Variants in LDLRAD4 observed in about 807,000 individuals in gnomAD.
LDLRAD4 encodes low-density lipoprotein receptor class A domain-containing protein 4.
In LDLRAD4, 5 loss-of-function variants were observed where a neutral mutation model predicts 17.0. That is an observed-to-expected ratio of 0.29 (90% CI 0.15 to 0.62). The LOEUF is 0.62. Among genes scored for constraint, LDLRAD4 ranks in the 20% least tolerant of loss-of-function variants. The pLI, the probability that LDLRAD4 is intolerant of heterozygous loss-of-function variation, is 0.84. For synonymous variants in LDLRAD4, 168 were observed against 171.8 expected, an observed-to-expected ratio of 0.98 and a Z score of 0.17; for missense variants, 340 against 424.7, an observed-to-expected ratio of 0.80 and a Z score of 1.75.
At chr18:13,264,361 G>C (rs1456212644) in intron 1 of LDLRAD4, among the ~76,000 whole-genome samples, 1 of 152,258 alleles carries the variant, frequency 6.6e-6, no homozygotes, top group Non-Finnish European at 1.5e-5. Context: ...TCTTTCCAAA[G>C]GGTGTCTGCA....
At chr18:13,528,829 G>A (rs1040901592) in intron 3 of LDLRAD4, among the ~76,000 whole-genome samples, 2 of 152,172 alleles carry the variant, frequency 1.3e-5, no homozygotes, top group African/African-American at 4.8e-5. Context: ...TAGGATACAT[G>A]ACTCCCAGGG....
At chr18:13,264,074 G>A (rs1401420745) in intron 1 of LDLRAD4, among the ~76,000 whole-genome samples, 2 of 152,240 alleles carry the variant, frequency 1.3e-5, no homozygotes, top group Non-Finnish European at 2.9e-5. Context: ...GAGCAGGGCA[G>A]GACACGACCC....
intron 3 of LDLRAD4, among the ~76,000 whole-genome samples, chr18:13,501,702 C>T (rs1431428685): frequency 1.3e-5 from 2 of 151,836 alleles, no homozygotes; most frequent in African/African-American, 4.8e-5. Flanking sequence ...AGAAACATGA[C>T]GTGCCTGTGT....
chr18:13,537,618 G>A (rs570357389), intron 3 of LDLRAD4, among the ~76,000 whole-genome samples: 62 of 152,124 alleles, frequency 4.1e-4, no homozygotes, highest in Non-Finnish European at 4.7e-4. Context: ...TCCATGAACC[G>A]GTACTCGTCT....
chr18:13,643,464 G>GGGGGGGGGGGGGC, intron 5 of LDLRAD4, 52 bp downstream of exon 6: 1 of 288,992 alleles, frequency 3.5e-6, no homozygotes, highest in Non-Finnish European at 6.5e-6. Context: ...GGTGGGTGGG[G>GGGGGGGGGGGGGC]ATGAAGGGGG....
At chr18:13,289,735 T>C (rs2146386993) in intron 1 of LDLRAD4, among the ~76,000 whole-genome samples, 2 of 152,262 alleles carry the variant, frequency 1.3e-5, no homozygotes, top group South Asian at 4.2e-4. Context: ...CGTGGAGAGA[T>C]GGGAGGTGGA....
intron 3 of LDLRAD4, among the ~76,000 whole-genome samples, chr18:13,492,674 A>G (rs963756278): frequency 6.6e-6 from 1 of 152,186 alleles, no homozygotes; most frequent in Admixed American, 6.5e-5. Context: ...CTCCAGAGAA[A>G]TGGTAGCTGC....
chr18:13,238,106 G>C lies in LDLRAD4; in HGVS notation c.-467+19118G>C, dbSNP rs141617517. 3.6e-3 allele frequency among the ~76,000 whole-genome samples: 549 copies of C among 152,270 alleles called. 6 individuals are homozygous for C. The highest frequency in any genetic ancestry group is 0.011 in the African/African-American group (470 of 41,550). On this transcript the variant is annotated intron_variant, in intron 1 of 5. Coordinates refer to the LDLRAD4 transcript ENST00000399848. ...TCTGAAAATCCACCTAAAACCCCAGGAACTATTGGGAACTGTAAACTAACA... is the reference window on the plus strand; with the variant it reads ...TCTGAAAATCCACCTAAAACCCCAGCAACTATTGGGAACTGTAAACTAACA...
At chr18:13,308,535 G>A (rs1284467508) in intron 1 of LDLRAD4, among the ~76,000 whole-genome samples, 1 of 152,244 alleles carries the variant, frequency 6.6e-6, no homozygotes, top group East Asian at 1.9e-4. Flanking sequence ...GCGCGATTGT[G>A]TGAAAGGTGG....
chr18:13,364,850 G>A (rs564118032), intron 1 of LDLRAD4, among the ~76,000 whole-genome samples: 53 of 152,340 alleles, frequency 3.5e-4, no homozygotes, highest in South Asian at 8.3e-4. Context: ...GGCAGGAAAG[G>A]TTCAGCTCAG....
chr18:13,537,240 G>C (rs1208152650), intron 3 of LDLRAD4, among the ~76,000 whole-genome samples: 1 of 152,152 alleles, frequency 6.6e-6, no homozygotes, highest in East Asian at 1.9e-4. Flanking sequence ...CTTACAGAAG[G>C]GGGTAGGTGT....
intron 1 of LDLRAD4, chr18:13,362,601 C>G (rs1308825462): frequency 2.0e-5 from 3 of 152,174 alleles, no homozygotes; most frequent in African/African-American, 4.8e-5. Context: ...GAAATATGAA[C>G]ACATCTTAGA....
chr18:13,351,007 G>C (rs148630098), intron 1 of LDLRAD4, among the ~76,000 whole-genome samples: 54 of 152,300 alleles, frequency 3.5e-4, no homozygotes, highest in African/African-American at 1.2e-3. Context: ...CTCAGTACCA[G>C]TACCATGCTG....
chr18:13,593,169 C>A (rs927446760), intron 3 of LDLRAD4, among the ~76,000 whole-genome samples: 1 of 152,068 alleles, frequency 6.6e-6, no homozygotes, highest in Non-Finnish European at 1.5e-5. Context: ...ATAAATTAGC[C>A]GGACATGGTG....
At chr18:13,288,430 A>G (rs995413800) in intron 1 of LDLRAD4, among the ~76,000 whole-genome samples, 1 of 152,248 alleles carries the variant, frequency 6.6e-6, no homozygotes, top group African/African-American at 2.4e-5. Flanking sequence ...ATTTATAGTA[A>G]AGAAAAATTT....
At chr18:13,361,267 TG>T (rs1277300985) in intron 1 of LDLRAD4, among the ~76,000 whole-genome samples, 7 of 152,174 alleles carry the variant, frequency 4.6e-5, no homozygotes, top group African/African-American at 1.7e-4. Context: ...TTAGTGGAGA[TG>T]GGGTTTCACC....
At chr18:13,284,493 AT>A (rs2045492494) in intron 1 of LDLRAD4, among the ~76,000 whole-genome samples, 1 of 151,852 alleles carries the variant, frequency 6.6e-6, no homozygotes, top group African/African-American at 2.4e-5. Context: ...AAGCCAGCAA[AT>A]TTTCCACCTA....
intron 3 of LDLRAD4, among the ~76,000 whole-genome samples, chr18:13,592,019 G>A (rs1232793989): frequency 2.6e-5 from 4 of 152,148 alleles, no homozygotes; most frequent in Non-Finnish European, 5.9e-5. Flanking sequence ...CATCACCCTG[G>A]GTCCTCAGAC....
intron 3 of LDLRAD4, among the ~76,000 whole-genome samples, chr18:13,445,882 C>T (rs1399555806): frequency 6.6e-6 from 1 of 152,032 alleles, no homozygotes; most frequent in Non-Finnish European, 1.5e-5. Flanking sequence ...CTGGAGTCAC[C>T]ACCACTCACT....
Sources: allele counts gnomAD v4.1 joint callset (sites outside exome capture counted in the v4.1 genomes callset), GRCh38; gene constraint gnomAD v4.1.1; transcripts MANE v1.5; gene names NCBI Gene and HGNC (gene_info 2026-07-23, HGNC 2026-07-21).